The following CNTLN variants were observed in gnomAD, a reference collection of about 807,000 sequenced individuals.
CNTLN encodes the protein centlein, also known as centlein, centrosomal protein.
Under a neutral mutation model 180.0 loss-of-function variants are expected in CNTLN, and 212 were observed. The observed-to-expected ratio is 1.18, with a 90% CI of 1.05 to 1.32. The LOEUF is 1.32. Among genes scored for constraint, CNTLN ranks in the 40% most tolerant of loss-of-function variants. CNTLN has a pLI of 0.00. For synonymous variants in CNTLN, 722 were observed against 563.1 expected (o/e 1.28, Z -3.99); for missense variants, 2,095 against 1,610.9 (o/e 1.30, Z -5.14).
At chr9:17,368,558 TG>T (rs1233617868) in intron 13 of CNTLN, among the ~76,000 whole-genome samples, 1 of 152,184 alleles carries the variant, frequency 6.6e-6, no homozygotes, top group African/African-American at 2.4e-5. Context: ...AGGGATATAC[TG>T]GTGTCAGTTC....
At chr9:17,417,856 G>C (rs532124216) in intron 18 of CNTLN, among the ~76,000 whole-genome samples, 1 of 151,820 alleles carries the variant, frequency 6.6e-6, no homozygotes, top group Non-Finnish European at 1.5e-5. Context: ...TATCAAGTAA[G>C]AAATCCACAT....
chr9:17,500,039 C>T (rs887350313), intron 25 of CNTLN, among the ~76,000 whole-genome samples: 7 of 152,064 alleles, frequency 4.6e-5, no homozygotes, highest in East Asian at 1.9e-4. Context: ...TTCTTCTGAA[C>T]GATTATAGAC....
chr9:17,269,615 T>C (rs1230707279), intron 5 of CNTLN, among the ~76,000 whole-genome samples: 1 of 152,160 alleles, frequency 6.6e-6, no homozygotes, highest in Admixed American at 6.6e-5. Context: ...TTTTATTACA[T>C]TGTGATCAGA....
At chr9:17,488,855 A>G (rs770602826) in intron 25 of CNTLN, among the ~76,000 whole-genome samples, 1 of 152,136 alleles carries the variant, frequency 6.6e-6, no homozygotes, top group African/African-American at 2.4e-5. Context: ...GGTAAATTTA[A>G]TGGAGCAGCC....
intron 13 of CNTLN, among the ~76,000 whole-genome samples, chr9:17,383,949 A>G (rs1189412522): frequency 6.6e-6 from 1 of 152,154 alleles, no homozygotes; most frequent in Non-Finnish European, 1.5e-5. Context: ...GTAACATGAA[A>G]TTTATATGAA....
chr9:17,269,915 GATTT>G (rs1827810006), intron 5 of CNTLN, among the ~76,000 whole-genome samples: 1 of 152,034 alleles, frequency 6.6e-6, no homozygotes, highest in South Asian at 2.1e-4. Flanking sequence ...TTTGTTTTAA[GATTT>G]ATTTCTGGTT....
At position 17,463,098 on chromosome 9, in the gene CNTLN, A is replaced by AT. The variant is rs1194985233; in HGVS notation, c.3404+86dup. On this transcript the variant is annotated intron_variant, in intron 20 of 25. Transcript: ENST00000380647. ...TTAAACGTGCTCCAAGAAACTGCTA[A>AT]TGTTTACGTTTTCCTTCCCTAGTTC... 35 of 732,322 alleles carry AT rather than the reference A, an allele frequency of 4.8e-5. No homozygotes were observed. In the East Asian group the frequency reaches 1.0e-3, roughly 21 times the overall value. 45.4% of individuals were successfully genotyped at this position (732,322 alleles called of 1,614,324 possible). A position where few individuals can be genotyped will look rare whatever the true frequency, so the allele number is the denominator to read the frequency against.
chr9:17,223,142 G>A (rs1201893331), intron 2 of CNTLN, among the ~76,000 whole-genome samples: 1 of 152,032 alleles, frequency 6.6e-6, no homozygotes, highest in Non-Finnish European at 1.5e-5. Context: ...CATGTCCTAC[G>A]TGAGTTGGGA....
At chr9:17,499,566 G>C (rs1167776715) in intron 25 of CNTLN, among the ~76,000 whole-genome samples, 1 of 152,150 alleles carries the variant, frequency 6.6e-6, no homozygotes, top group African/African-American at 2.4e-5. Context: ...TATTGAATCT[G>C]TTCCATAAAC....
At chr9:17,221,015 A>G (rs983474875) in intron 2 of CNTLN, among the ~76,000 whole-genome samples, 17 of 152,120 alleles carry the variant, frequency 1.1e-4, no homozygotes, top group Non-Finnish European at 2.5e-4. Flanking sequence ...CTGGAAAAGA[A>G]CTTACAAAGG....
downstream of CNTLN, among the ~76,000 whole-genome samples, chr9:17,507,839 G>C (rs1011605757): frequency 2.0e-5 from 3 of 152,120 alleles, no homozygotes; most frequent in African/African-American, 7.2e-5. Context: ...TTCTTCAGCA[G>C]ACACAGTCTA....
At chr9:17,269,245 G>T (rs1827758711) in intron 5 of CNTLN, among the ~76,000 whole-genome samples, 3 of 151,640 alleles carry the variant, frequency 2.0e-5, no homozygotes, top group Admixed American at 2.0e-4. Context: ...TTTTTCTATT[G>T]TTTTGTTATT....
chr9:17,196,243 C>T (rs1822123807), intron 2 of CNTLN, among the ~76,000 whole-genome samples: 1 of 152,076 alleles, frequency 6.6e-6, no homozygotes, highest in African/African-American at 2.4e-5. Context: ...AGGCTAGTCT[C>T]GAACTCTTGA....
chr9:17,226,277 A>G lies in CNTLN; in HGVS notation c.524A>G (p.Glu175Gly). ...CAAGTCAAGGATGCCAAAATACAAGAATTTGAACAGGTTGGTGTTATAATA... is the reference window on the plus strand; with the variant it reads ...CAAGTCAAGGATGCCAAAATACAAGGATTTGAACAGGTTGGTGTTATAATA... ...ILQVKDAKIQEFEQRESVLKQ... is the reference protein window; with the variant it reads ...ILQVKDAKIQGFEQRESVLKQ... Residue 175 changes from glutamate to glycine, a missense_variant, in exon 3 of 26, where the codon GAA (glutamate) becomes GGA (glycine). Physicochemically the swap from Glu to Gly is moderately conservative, Grantham distance 98. Transcript: ENST00000380647. 4.5e-6 allele frequency: 7 copies of G among 1,558,816 alleles called. No homozygotes were observed. The highest frequency in any genetic ancestry group is 6.1e-6 in the Non-Finnish European group (7 of 1,148,144).
chr9:17,188,288 G>A (rs997983292), intron 2 of CNTLN, among the ~76,000 whole-genome samples: 1 of 151,986 alleles, frequency 6.6e-6, no homozygotes, highest in Non-Finnish European at 1.5e-5. Flanking sequence ...TTGTATTTCT[G>A]TGTGAAATTC....
chr9:17,339,169 T>TA (rs1821282210), intron 10 of CNTLN, among the ~76,000 whole-genome samples: 2 of 152,204 alleles, frequency 1.3e-5, no homozygotes, highest in African/African-American at 4.8e-5. Flanking sequence ...CTCAAATACT[T>TA]CTTAATAACT....
rs186676922 is a variant in CNTLN, at chr9:17,184,296, C to T, written c.449+40920C>T. On this transcript the variant is annotated intron_variant, in intron 2 of 25. Transcript: ENST00000380647. ...TTTTGGAATTTGAATTTTCAAATTA[C>T]GTAAACATGAATATTTGTTATAACA... Among the ~76,000 whole-genome samples, 6 of 148,818 alleles carry T rather than the reference C, an allele frequency of 4.0e-5. No individual in the cohort carries two copies. The East Asian group carries it at 7.8e-4, about 19-fold the overall frequency.
intron 2 of CNTLN, among the ~76,000 whole-genome samples, chr9:17,196,749 TTATC>T (rs1488830193): frequency 1.3e-5 from 2 of 151,986 alleles, no homozygotes; most frequent in Non-Finnish European, 2.9e-5. Flanking sequence ...GTAGGTCTGT[TTATC>T]TATGGAGTAT....
At chr9:17,252,620 G>T (rs113067246) in intron 5 of CNTLN, among the ~76,000 whole-genome samples, 1,560 of 151,652 alleles carry the variant, frequency 0.01, 28 homozygotes, top group African/African-American at 0.035. Flanking sequence ...GTTCCTTGTC[G>T]ATTCTAGTTA....
Sources: allele counts gnomAD v4.1 joint callset (sites outside exome capture counted in the v4.1 genomes callset), GRCh38; gene constraint gnomAD v4.1.1; transcripts MANE v1.5; gene names NCBI Gene and HGNC (gene_info 2026-07-23, HGNC 2026-07-21).